The following TANGO2 variants were observed in gnomAD, a reference collection of about 807,000 sequenced individuals.
The protein encoded by TANGO2 is transport and Golgi organization protein 2 homolog.
In TANGO2, 26 loss-of-function variants were observed where a neutral mutation model predicts 39.1. That is an observed-to-expected ratio of 0.67 (90% CI 0.49 to 0.92). TANGO2 has a LOEUF of 0.92. Ranked by LOEUF, TANGO2 falls within the 40% of genes least tolerant of loss-of-function variation. The pLI, the probability that TANGO2 is intolerant of heterozygous loss-of-function variation, is 0.00. For synonymous variants in TANGO2, 131 were observed against 144.5 expected, an observed-to-expected ratio of 0.91 and a Z score of 0.67; for missense variants, 326 against 360.1, an observed-to-expected ratio of 0.91 and a Z score of 0.77.
chr22:20,048,802 A>G (rs1228375493), intron 3 of TANGO2, among the ~76,000 whole-genome samples: 1 of 152,118 alleles, frequency 6.6e-6, no homozygotes, highest in Non-Finnish European at 1.5e-5. Flanking sequence ...ATGCACCACC[A>G]TGCCCAGCTA....
intron 1 of TANGO2, among the ~76,000 whole-genome samples, chr22:20,027,954 A>G (rs1415916999): frequency 6.6e-6 from 1 of 152,002 alleles, no homozygotes; most frequent in African/African-American, 2.4e-5. Context: ...CTGCACTACC[A>G]TGCCTGGCTA....
chr22:20,064,969 CACAT>C lies in TANGO2; in HGVS notation c.*311_*314del, dbSNP rs1327456256. On this transcript the variant is annotated 3_prime_UTR_variant, in exon 9 of 9. Coordinates refer to ENST00000327374, the MANE Select transcript of TANGO2 (RefSeq NM_152906.7). The stretch of plus-strand genomic sequence containing the variant: ...TGTACACAGGCACTCACATGGCACA[CACAT>C]ACACTCCTGCGTGTGCACAAGCACA... 5.7e-6 allele frequency: 2 copies of C among 350,066 alleles called. No individual in the cohort carries two copies. Among genetic ancestry groups the C allele is most frequent in the Admixed American group, 4.4e-5 (1 of 22,548 alleles). The allele number at this position is 350,066 out of a possible 1,614,324, so 21.7% of individuals were successfully genotyped here. A position where few individuals can be genotyped will look rare whatever the true frequency, so the allele number is the denominator to read the frequency against.
At chr22:20,025,113 G>A (rs185530183) in intron 1 of TANGO2, among the ~76,000 whole-genome samples, 1 of 150,326 alleles carries the variant, frequency 6.7e-6, no homozygotes, top group East Asian at 2.0e-4. Flanking sequence ...GGCTGAGGCA[G>A]GAGAATCGCT....
At chr22:20,028,735 G>T (rs1043992678) in intron 1 of TANGO2, among the ~76,000 whole-genome samples, 3 of 152,258 alleles carry the variant, frequency 2.0e-5, no homozygotes, top group Non-Finnish European at 2.9e-5. Context: ...GGCAGTAGTG[G>T]GTTCTGGGAC....
intron 2 of TANGO2, among the ~76,000 whole-genome samples, chr22:20,043,003 C>T (rs1335972569): frequency 6.6e-6 from 1 of 152,060 alleles, no homozygotes; most frequent in African/African-American, 2.4e-5. Context: ...GACAGATGGA[C>T]AGAAGGAGGA....
At chr22:20,030,989 G>A (rs531518457) in intron 1 of TANGO2, among the ~76,000 whole-genome samples, 60 of 152,086 alleles carry the variant, frequency 3.9e-4, no homozygotes, top group African/African-American at 1.4e-3. Context: ...CACAAGGTCA[G>A]GAGATCGAGA....
chr22:20,042,213 C>T (rs1413667579), intron 2 of TANGO2, among the ~76,000 whole-genome samples: 2 of 151,870 alleles, frequency 1.3e-5, no homozygotes, highest in African/African-American at 4.8e-5. Context: ...CTCAAAACTC[C>T]TAGCCTCAAG....
chr22:20,063,495 G>A (rs2048761083), intron 8 of TANGO2, 53 bp downstream of exon 8: 12 of 1,490,932 alleles, frequency 8.0e-6, no homozygotes, highest in East Asian at 7.1e-5. Context: ...CACCTCCCAC[G>A]CTAGAGGGCC....
At chr22:20,024,118 C>T (rs534293921) in intron 1 of TANGO2, among the ~76,000 whole-genome samples, 1 of 152,234 alleles carries the variant, frequency 6.6e-6, no homozygotes, top group African/African-American at 2.4e-5. Flanking sequence ...ACCCAGGAGG[C>T]GAACGTTGCA....
chr22:20,038,932 T>A (rs1408348586), intron 2 of TANGO2, among the ~76,000 whole-genome samples: 20 of 145,050 alleles, frequency 1.4e-4, no homozygotes, highest in African/African-American at 4.8e-4. Flanking sequence ...TATGTTTTTT[T>A]TTTTTATTAT....
chr22:20,027,013 CTGCAAGG>C (rs2040893975), intron 1 of TANGO2, among the ~76,000 whole-genome samples: 1 of 152,212 alleles, frequency 6.6e-6, no homozygotes, highest in Non-Finnish European at 1.5e-5. Context: ...GCTCTCGGTT[CTGCAAGG>C]TGCACAGGAA....
rs757978827 is a variant in TANGO2 at position 20,057,789 on chromosome 22, T to C, written c.451+1776T>C. Among the ~76,000 whole-genome samples the C allele has an allele frequency of 6.6e-6, 1 of 152,092 alleles. No individual in the cohort carries two copies. Among genetic ancestry groups the C allele is most frequent in the South Asian group, 2.1e-4 (1 of 4,820 alleles). On this transcript the variant is annotated intron_variant, in intron 6 of 8. Transcript: ENST00000327374. The surrounding 1 kb of genome is among the most constrained non-coding windows in gnomAD (Gnocchi z 4.1). ...GAGCCTGTGACTGCCCAGGAGAGAA[T>C]TGGAAACTAAAAGGTGCAAAAGCAG...
rs2047614884 is a variant in TANGO2 at position 20,057,633 on chromosome 22, C to A, written c.451+1620C>A. Among the ~76,000 whole-genome samples, 1 of 152,206 alleles carries A rather than the reference C, an allele frequency of 6.6e-6. No homozygotes were observed. Among genetic ancestry groups the A allele is most frequent in the Admixed American group, 6.5e-5 (1 of 15,288 alleles). On this transcript the variant is annotated intron_variant, in intron 6 of 8. Transcript: ENST00000327374. The surrounding 1 kb of genome is among the most constrained non-coding windows in gnomAD (Gnocchi z 4.1). ...GTGGCCCCAGAAGGTCCTGAGCTTG[C>A]AAAGGATTGTTCTGGCTGTCTCAGC...
chr22:20,027,547 A>G (rs1406488403), intron 1 of TANGO2, among the ~76,000 whole-genome samples: 1 of 152,126 alleles, frequency 6.6e-6, no homozygotes, highest in Non-Finnish European at 1.5e-5. Flanking sequence ...GTCTGCTCAC[A>G]TGTGTGTGCA....
chr22:20,056,848 C>T (rs972627056), intron 6 of TANGO2: 2 of 456,700 alleles, frequency 4.4e-6, no homozygotes, highest in South Asian at 1.5e-5. Flanking sequence ...AGACACTCCT[C>T]GCTGGTGGCA....
intron 6 of TANGO2, chr22:20,061,218 T>C (rs2048323433): frequency 4.1e-6 from 1 of 240,970 alleles, no homozygotes; most frequent in East Asian, 9.1e-5. Context: ...CCCTCTTGGC[T>C]GTCCCCTTTG....
chr22:20,064,820 G>A lies in TANGO2; in HGVS notation c.*158G>A. On this transcript the variant is annotated 3_prime_UTR_variant, in exon 9 of 9. Coordinates refer to ENST00000327374, the MANE Select transcript of TANGO2 (RefSeq NM_152906.7). ...TGTGGTTTGCGTGTTACCCATCTGT[G>A]TCCCCATGCCCAGTTCAGGGTCTGC... 2 of 914,894 alleles carry A rather than the reference G, an allele frequency of 2.2e-6. No homozygotes were observed. Among genetic ancestry groups the A allele is most frequent in the South Asian group, 1.7e-5 (1 of 57,266 alleles). 56.7% of individuals were successfully genotyped at this position (914,894 alleles called of 1,614,324 possible).
chr22:20,062,626 G>A (rs1378027097), intron 7 of TANGO2, among the ~76,000 whole-genome samples: 1 of 152,248 alleles, frequency 6.6e-6, no homozygotes, highest in Non-Finnish European at 1.5e-5. Context: ...GCCGAGGACC[G>A]GCCCTGGCTG....
chr22:20,052,648 A>C, intron 4 of TANGO2, 64 bp downstream of exon 4: 2 of 1,528,022 alleles, frequency 1.3e-6, no homozygotes, highest in Non-Finnish European at 1.8e-6. Context: ...AGGTGAGACA[A>C]GGTGGGGCCA....
Sources: allele counts gnomAD v4.1 joint callset (sites outside exome capture counted in the v4.1 genomes callset), GRCh38; gene constraint gnomAD v4.1.1; non-coding constraint Gnocchi (gnomAD v3.1); transcripts MANE v1.5; gene names NCBI Gene and HGNC (gene_info 2026-07-23, HGNC 2026-07-21).